Variants in DLGAP2 observed in about 807,000 individuals in gnomAD.
The protein encoded by DLGAP2 is DLG associated protein 2, also known as disks large-associated protein 2.
Under a neutral mutation model 100.3 loss-of-function variants are expected in DLGAP2, and 26 were observed. The ratio of observed to expected loss-of-function variants is 0.26; its 90% CI spans 0.19 to 0.36. DLGAP2 has a LOEUF of 0.36. Ranked by LOEUF, DLGAP2 falls within the 10% of genes least tolerant of loss-of-function variation. DLGAP2 has a pLI of 1.00. For synonymous variants in DLGAP2, 886 were observed against 630.1 expected (o/e 1.41, Z -6.08); for missense variants, 1,858 against 1,453.2 (o/e 1.28, Z -4.53).
chr8:1,691,871 G>A (rs34759851), intron 13 of DLGAP2, among the ~76,000 whole-genome samples: 1,231 of 93,944 alleles, frequency 0.013, 6 homozygotes, highest in Non-Finnish European at 0.021. Flanking sequence ...GCAGGGAGGC[G>A]GATACGGCCC....
At chr8:989,008 G>C (rs529150176) in intron 2 of DLGAP2, among the ~76,000 whole-genome samples, 26 of 152,118 alleles carry the variant, frequency 1.7e-4, no homozygotes, top group African/African-American at 6.3e-4. Flanking sequence ...CTCCGCTCGC[G>C]GCTCCCTGGA....
Position 945,838 on chromosome 8 carries a change from C to G in DLGAP2, c.73+37872C>G, listed in dbSNP as rs113926973. ...TCGCTGTCCATTTCCCCCTCTCTCT[C>G]TGCGTGTGTCTCTTTGCCTACATTA... On this transcript the variant is annotated intron_variant, in intron 2 of 14. Coordinates refer to ENST00000637795, the MANE Select transcript of DLGAP2 (RefSeq NM_001346810.2). Among the ~76,000 whole-genome samples the G allele has an allele frequency of 2.1e-3, 317 of 152,212 alleles. 4 individuals are homozygous for G. Among genetic ancestry groups the G allele is most frequent in the African/African-American group, 7.1e-3 (293 of 41,546 alleles).
intron 1 of DLGAP2, among the ~76,000 whole-genome samples, chr8:863,877 G>A (rs975310171): frequency 2.6e-5 from 4 of 152,156 alleles, no homozygotes; most frequent in African/African-American, 7.2e-5. Context: ...AAGGAAATGA[G>A]GTTGGTGTGT....
At chr8:1,307,448 G>C (rs1416063429) in intron 3 of DLGAP2, among the ~76,000 whole-genome samples, 1 of 152,186 alleles carries the variant, frequency 6.6e-6, no homozygotes, top group Non-Finnish European at 1.5e-5. Context: ...TCCCATCATG[G>C]AAAATGATAT....
intron 3 of DLGAP2, among the ~76,000 whole-genome samples, chr8:1,351,247 ACTGT>A (rs1801716025): frequency 1.5e-5 from 1 of 66,178 alleles, no homozygotes; most frequent in Non-Finnish European, 2.9e-5. Flanking sequence ...GCGGGTCCTG[ACTGT>A]GTGTGGAACG....
At chr8:738,876 G>A (rs1179035382) in intron 1 of DLGAP2, 1 of 152,660 alleles carries the variant, frequency 6.6e-6, no homozygotes, top group Non-Finnish European at 1.5e-5. Context: ...AGGTTCGCAG[G>A]TGGAGAGCGG....
chr8:1,672,968 C>G (rs906588267), intron 10 of DLGAP2, among the ~76,000 whole-genome samples: 1 of 152,222 alleles, frequency 6.6e-6, no homozygotes, highest in African/African-American at 2.4e-5. Context: ...GCCCCGCCCA[C>G]TTTCATTTTC....
At chr8:953,909 G>GT (rs904584570) in intron 2 of DLGAP2, among the ~76,000 whole-genome samples, 9 of 152,210 alleles carry the variant, frequency 5.9e-5, no homozygotes, top group Admixed American at 5.2e-4. Context: ...CATCAAGGAT[G>GT]TTCTTTAGTG....
chr8:1,256,379 C>T (rs746794076), intron 2 of DLGAP2, among the ~76,000 whole-genome samples: 4,731 of 110,432 alleles, frequency 0.043, 386 homozygotes, highest in African/African-American at 0.16. Context: ...TGTGTCCTCT[C>T]ATCCTGCCTG....
At chr8:1,447,099 A>C (rs1027404400) in intron 3 of DLGAP2, among the ~76,000 whole-genome samples, 2 of 152,158 alleles carry the variant, frequency 1.3e-5, no homozygotes, top group South Asian at 2.1e-4. Context: ...TCTCCTGCCT[A>C]ATTGCCCTGG....
At chr8:1,573,278 G>T (rs1332911468) in intron 6 of DLGAP2, among the ~76,000 whole-genome samples, 1 of 132,334 alleles carries the variant, frequency 7.6e-6, no homozygotes, top group South Asian at 3.0e-4. Context: ...AGGGTGGACT[G>T]TGGGGGTGTC....
At chr8:1,542,919 G>A (rs1049336406) in intron 4 of DLGAP2, among the ~76,000 whole-genome samples, 1 of 152,176 alleles carries the variant, frequency 6.6e-6, no homozygotes, top group African/African-American at 2.4e-5. Context: ...GGGGGCTTGA[G>A]TGGTACCGCA....
In DLGAP2 at chr8:1,609,595, G is replaced by C. The variant is rs1418934623; in HGVS notation, c.1443-17145G>C. 4.7e-5 allele frequency among the ~76,000 whole-genome samples: 6 copies of C among 128,664 alleles called. 1 individual carries two copies. The highest frequency in any genetic ancestry group is 8.6e-5 in the Non-Finnish European group (5 of 58,458). 84.4% of individuals were successfully genotyped at this position (128,664 alleles called of 152,430 possible). Reference sequence around the variant, plus strand: ...CCAATTAAAAGACACAGACTGGCAAGTTGGATAAAGAGTCAAGACCCATCA... The same window carrying C: ...CCAATTAAAAGACACAGACTGGCAACTTGGATAAAGAGTCAAGACCCATCA... On this transcript the variant is annotated intron_variant, in intron 6 of 14. Transcript: ENST00000637795.
intron 6 of DLGAP2, among the ~76,000 whole-genome samples, chr8:1,611,566 AG>A (rs1250698544): frequency 2.3e-5 from 1 of 42,898 alleles, no homozygotes. Context: ...AAGGAAATAA[AG>A]GGTATTCAAT....
chr8:1,590,092 C>T (rs1011658999), intron 6 of DLGAP2, among the ~76,000 whole-genome samples: 1 of 152,206 alleles, frequency 6.6e-6, no homozygotes, highest in African/African-American at 2.4e-5. Flanking sequence ...CATCACTCCA[C>T]CCTCGGCCTC....
At chr8:1,573,838 C>G (rs1249922154) in intron 6 of DLGAP2, among the ~76,000 whole-genome samples, 1 of 152,146 alleles carries the variant, frequency 6.6e-6, no homozygotes, top group African/African-American at 2.4e-5. Context: ...CCGGCAGACC[C>G]TAGAATACTT....
chr8:1,203,405 T>C (rs764579309), intron 2 of DLGAP2, among the ~76,000 whole-genome samples: 2 of 151,692 alleles, frequency 1.3e-5, no homozygotes, highest in Non-Finnish European at 2.9e-5. Context: ...CACCCTTCGG[T>C]GTTAGAACCC....
At chr8:1,665,792 T>G (rs952037593) in intron 8 of DLGAP2, among the ~76,000 whole-genome samples, 5 of 152,240 alleles carry the variant, frequency 3.3e-5, no homozygotes, top group Admixed American at 1.3e-4. Context: ...TCATTGATGA[T>G]AAAGATTCTG....
At chr8:1,652,798 AC>A (rs1798197376) in intron 8 of DLGAP2, among the ~76,000 whole-genome samples, 1 of 152,210 alleles carries the variant, frequency 6.6e-6, no homozygotes, top group Non-Finnish European at 1.5e-5. Context: ...CAGTAATGAG[AC>A]CAGCTGGCGA....
Sources: gnomAD v4.1 joint callset for allele counts (sites outside exome capture counted in the v4.1 genomes callset) on GRCh38, gnomAD v4.1.1 for gene constraint, MANE v1.5 for transcripts, NCBI Gene and HGNC (gene_info 2026-07-23, HGNC 2026-07-21) for gene names.